Variants in CORO2B observed in about 807,000 individuals in gnomAD.
The protein encoded by CORO2B is coronin 2B, also known as coronin-2B.
A neutral mutation model predicts 58.8 loss-of-function variants in CORO2B; 26 were observed. That is an observed-to-expected ratio of 0.44 (90% CI 0.32 to 0.61). The LOEUF (loss-of-function observed/expected upper bound fraction) is 0.61. Among genes scored for constraint, CORO2B ranks in the 20% least tolerant of loss-of-function variants. CORO2B has a pLI of 0.04. For missense variants in CORO2B, 460 were observed against 645.1 expected, an observed-to-expected ratio of 0.71 and a Z score of 3.11; for synonymous variants, 242 against 253.8, an observed-to-expected ratio of 0.95 and a Z score of 0.44.
intron 1 of CORO2B, among the ~76,000 whole-genome samples, chr15:68,589,965 C>T (rs550150569): frequency 1.1e-3 from 171 of 152,198 alleles, no homozygotes; most frequent in African/African-American, 3.9e-3. Context: ...CACAGTGGCC[C>T]GTGACCCCCG....
chr15:68,723,721 GATTAC>G (rs947357342), intron 11 of CORO2B, among the ~76,000 whole-genome samples: 29 of 152,172 alleles, frequency 1.9e-4, no homozygotes, highest in African/African-American at 6.7e-4. Context: ...TAAAGTACTG[GATTAC>G]AGGCGTGAGC....
chr15:68,675,897 T>C (rs1902569022), intron 2 of CORO2B, among the ~76,000 whole-genome samples: 2 of 152,174 alleles, frequency 1.3e-5, no homozygotes, highest in African/African-American at 4.8e-5. Context: ...TCATGGGGCC[T>C]ACACGCTAGC....
At chr15:68,693,348 A>G (rs1892431724) in intron 2 of CORO2B, among the ~76,000 whole-genome samples, 1 of 152,222 alleles carries the variant, frequency 6.6e-6, no homozygotes, top group South Asian at 2.1e-4. Context: ...GGGAAGTGCC[A>G]GGCATGTGCA....
chr15:68,580,176 T>A (rs1317026112), intron 1 of CORO2B, among the ~76,000 whole-genome samples: 3 of 152,140 alleles, frequency 2.0e-5, no homozygotes, highest in Non-Finnish European at 4.4e-5. Context: ...GACAGGCTGT[T>A]AAAGAACCAA....
intron 1 of CORO2B, among the ~76,000 whole-genome samples, chr15:68,593,889 GAA>G (rs1343629675): frequency 6.6e-6 from 1 of 152,134 alleles, no homozygotes; most frequent in Non-Finnish European, 1.5e-5. Context: ...CGAGAGAAGA[GAA>G]GAGAAGAGGA....
chr15:68,541,414 G>T, the CORO2B span, among the ~76,000 whole-genome samples: 3 of 152,190 alleles, frequency 2.0e-5, no homozygotes, highest in Admixed American at 1.3e-4. Flanking sequence ...CATACTCAGT[G>T]ACATCAAAAA....
intron 3 of CORO2B, among the ~76,000 whole-genome samples, chr15:68,703,119 C>T (rs1892696741): frequency 6.7e-6 from 1 of 149,440 alleles, no homozygotes; most frequent in South Asian, 2.1e-4. Context: ...AGCCATTGTG[C>T]CCAGCCCAGA....
the CORO2B span, among the ~76,000 whole-genome samples, chr15:68,551,893 G>A: frequency 6.7e-6 from 1 of 149,320 alleles, no homozygotes; most frequent in East Asian, 2.0e-4. Context: ...GTGAGGCCCA[G>A]AACCGATGGC....
chr15:68,723,506 G>A (rs1191903427), intron 11 of CORO2B, among the ~76,000 whole-genome samples: 8 of 151,768 alleles, frequency 5.3e-5, no homozygotes, highest in African/African-American at 1.9e-4. Context: ...CCAGGCTGGA[G>A]TGCAGTGGCA....
At chr15:68,690,935 A>G (rs570961307) in intron 2 of CORO2B, among the ~76,000 whole-genome samples, 1 of 150,868 alleles carries the variant, frequency 6.6e-6, no homozygotes, top group Admixed American at 6.6e-5. Flanking sequence ...GTGGGATTAC[A>G]GGTGTGAGCC....
the CORO2B span, among the ~76,000 whole-genome samples, chr15:68,549,953 A>AAGATAAATAAATAAAT: frequency 6.9e-6 from 1 of 144,488 alleles, no homozygotes; most frequent in African/African-American, 2.6e-5. Flanking sequence ...AAAATAAAAT[A>AAGATAAATAAATAAAT]AAATAAATAA....
At chr15:68,566,315 G>A in the CORO2B span, among the ~76,000 whole-genome samples, 1 of 152,114 alleles carries the variant, frequency 6.6e-6, no homozygotes, top group Non-Finnish European at 1.5e-5. Flanking sequence ...GCCCAGAGAG[G>A]CTAAGTAATT....
the CORO2B span, among the ~76,000 whole-genome samples, chr15:68,554,124 TGTCGGGCCCTG>T: frequency 6.6e-6 from 1 of 152,100 alleles, no homozygotes; most frequent in East Asian, 1.9e-4. Context: ...CAGGTGGGCT[TGTCGGGCCCTG>T]GTACCACCTG....
intron 2 of CORO2B, among the ~76,000 whole-genome samples, chr15:68,662,433 T>C (rs1267653194): frequency 1.3e-5 from 2 of 152,266 alleles, no homozygotes; most frequent in African/African-American, 4.8e-5. Flanking sequence ...CCTTTTATTT[T>C]TTTACAATAG....
At chr15:68,659,234 G>A (rs1282456309) in intron 2 of CORO2B, among the ~76,000 whole-genome samples, 1 of 152,180 alleles carries the variant, frequency 6.6e-6, no homozygotes, top group Non-Finnish European at 1.5e-5. Context: ...ACCTGGAAGA[G>A]TGTGAGGGAT....
At chr15:68,520,680 A>G in the CORO2B span, among the ~76,000 whole-genome samples, 1 of 152,236 alleles carries the variant, frequency 6.6e-6, no homozygotes, top group Non-Finnish European at 1.5e-5. Flanking sequence ...ATGGTTGACT[A>G]TCGGCACATT....
chr15:68,566,045 G>A, the CORO2B span, among the ~76,000 whole-genome samples: 1 of 152,214 alleles, frequency 6.6e-6, no homozygotes, highest in Non-Finnish European at 1.5e-5. Flanking sequence ...TTTGCATTTT[G>A]CACACTGAAG....
chr15:68,647,075 A>G (rs532019139), intron 2 of CORO2B, among the ~76,000 whole-genome samples: 2 of 152,330 alleles, frequency 1.3e-5, no homozygotes, highest in Non-Finnish European at 2.9e-5. Context: ...AATACCTCAC[A>G]TCATGACAAA....
rs1222915238 is a variant in CORO2B, at chr15:68,727,500, G to GCA, written c.*1527_*1528dup. On this transcript the variant is annotated 3_prime_UTR_variant, in exon 12 of 12. Transcript: ENST00000261861. ...TTTCATTAGCTAGGATCTACTAGAT[G>GCA]CATTATACTCCATACCTGCTTTTCC... The GCA allele has an allele frequency of 6.6e-6, 1 of 152,236 alleles. No individual in the cohort carries two copies. The highest frequency in any genetic ancestry group is 1.5e-5 in the Non-Finnish European group (1 of 68,046). 9.4% of individuals were successfully genotyped at this position (152,236 alleles called of 1,614,324 possible).
Sources: gnomAD v4.1 joint callset for allele counts (sites outside exome capture counted in the v4.1 genomes callset) on GRCh38, gnomAD v4.1.1 for gene constraint, MANE v1.5 for transcripts, NCBI Gene and HGNC (gene_info 2026-07-23, HGNC 2026-07-21) for gene names.